Variants in LRRC37A2 observed in about 807,000 individuals in gnomAD.
The protein encoded by LRRC37A2 is leucine-rich repeat-containing protein 37A2.
Under a neutral mutation model 68.8 loss-of-function variants are expected in LRRC37A2, and 9 were observed. That is an observed-to-expected ratio of 0.13 (90% CI 0.08 to 0.23). The LOEUF is 0.23. Among genes scored for constraint, LRRC37A2 ranks in the 10% least tolerant of loss-of-function variants. The pLI is 1.00. For synonymous variants in LRRC37A2, 63 were observed against 367.6 expected (o/e 0.17, Z 9.48); for missense variants, 168 against 950.4 (o/e 0.18, Z 10.82).
At chr17:46,840,215 T>A in the LRRC37A2 span, among the ~76,000 whole-genome samples, 10 of 151,920 alleles carry the variant, frequency 6.6e-5, no homozygotes, top group South Asian at 2.1e-4. Flanking sequence ...GCCTCCCGAG[T>A]AGCTGGTACT....
the LRRC37A2 span, among the ~76,000 whole-genome samples, chr17:46,889,037 T>C: frequency 6.6e-6 from 1 of 152,218 alleles, no homozygotes; most frequent in South Asian, 2.1e-4. Flanking sequence ...GTCTAAAATT[T>C]CCTCTGCTTG....
At chr17:46,957,858 G>A in the LRRC37A2 span, among the ~76,000 whole-genome samples, 1 of 152,178 alleles carries the variant, frequency 6.6e-6, no homozygotes, top group Non-Finnish European at 1.5e-5. Flanking sequence ...CATGGAGGAG[G>A]ATGAGCACTC....
At chr17:46,911,785 G>A in the LRRC37A2 span, among the ~76,000 whole-genome samples, 1 of 152,334 alleles carries the variant, frequency 6.6e-6, no homozygotes, top group East Asian at 1.9e-4. Context: ...TCAGGAGGCT[G>A]AGGCAGGAGA....
the LRRC37A2 span, chr17:46,769,735 A>C: frequency 6.2e-7 from 1 of 1,600,510 alleles, no homozygotes; most frequent in Admixed American, 1.7e-5. Context: ...CCGGAGGGGA[A>C]GCGGGGGGCT....
At chr17:46,516,196 G>A (rs1225367210) in intron 2 of LRRC37A2, among the ~76,000 whole-genome samples, 1 of 148,290 alleles carries the variant, frequency 6.7e-6, no homozygotes, top group Admixed American at 6.9e-5. Flanking sequence ...CCAGCTACTC[G>A]GGAGGCTGAG....
chr17:46,804,285 A>G, the LRRC37A2 span, among the ~76,000 whole-genome samples: 1 of 151,970 alleles, frequency 6.6e-6, no homozygotes, highest in Non-Finnish European at 1.5e-5. Context: ...ACGGGGTTTC[A>G]GCATGTTGGC....
At chr17:46,558,071 T>TC (rs2057380086), downstream of LRRC37A2, among the ~76,000 whole-genome samples, 1 of 138,170 alleles carries the variant, frequency 7.2e-6, no homozygotes, top group African/African-American at 2.8e-5. Context: ...TGTTTTTTTT[T>TC]CTTTTAAGGT....
At chr17:46,457,856 C>T in the LRRC37A2 span, among the ~76,000 whole-genome samples, 2 of 63,500 alleles carry the variant, frequency 3.1e-5, no homozygotes, top group Non-Finnish European at 8.9e-5. Flanking sequence ...TTGGCTAAAA[C>T]GATTATGGAG....
At chr17:46,713,691 T>C in the LRRC37A2 span, among the ~76,000 whole-genome samples, 1 of 152,246 alleles carries the variant, frequency 6.6e-6, no homozygotes, top group African/African-American at 2.4e-5. Context: ...GTTTAGTTGC[T>C]AATAAATAAG....
the LRRC37A2 span, among the ~76,000 whole-genome samples, chr17:46,890,276 A>G: frequency 7.2e-5 from 11 of 152,184 alleles, no homozygotes; most frequent in African/African-American, 2.7e-4. Flanking sequence ...CTCTGCCTAA[A>G]GTGCTCCACG....
At chr17:46,989,402 C>T in the LRRC37A2 span, among the ~76,000 whole-genome samples, 106,447 of 152,086 alleles carry the variant, frequency 0.7, 37,874 homozygotes, top group Middle Eastern at 0.78. Context: ...ACATCATCTG[C>T]TTTCTTTTGA....
the LRRC37A2 span, among the ~76,000 whole-genome samples, chr17:46,859,176 A>G: frequency 6.6e-6 from 1 of 152,024 alleles, no homozygotes; most frequent in East Asian, 1.9e-4. Context: ...GGGTTTCACC[A>G]TGTTGGGCAG....
chr17:46,725,487 A>G, the LRRC37A2 span, among the ~76,000 whole-genome samples: 2 of 152,206 alleles, frequency 1.3e-5, no homozygotes, highest in Non-Finnish European at 2.9e-5. Context: ...GTAAGGAAGG[A>G]ACTGAATCAA....
chr17:46,975,117 T>C, the LRRC37A2 span: 9 of 151,982 alleles, frequency 5.9e-5, no homozygotes, highest in African/African-American at 2.2e-4. Flanking sequence ...TGAGCGTCTA[T>C]TAAATGCCAG....
At chr17:46,999,916 T>C in the LRRC37A2 span, among the ~76,000 whole-genome samples, 28 of 149,820 alleles carry the variant, frequency 1.9e-4, no homozygotes, top group African/African-American at 6.9e-4. Flanking sequence ...GGAGAATCGC[T>C]TGAACCTGGG....
chr17:46,703,680 C>CA, the LRRC37A2 span, among the ~76,000 whole-genome samples: 3,080 of 37,140 alleles, frequency 0.083, 280 homozygotes, highest in African/African-American at 0.16. Flanking sequence ...GACTCCGTCT[C>CA]AAAAAAAAAA....
At chr17:46,999,998 CA>C in the LRRC37A2 span, among the ~76,000 whole-genome samples, 10 of 48,352 alleles carry the variant, frequency 2.1e-4, no homozygotes, top group African/African-American at 6.7e-4. Flanking sequence ...GACTCCATCT[CA>C]AAATAAAATA....
At chr17:46,922,943 G>A in the LRRC37A2 span, 8 of 579,248 alleles carry the variant, frequency 1.4e-5, no homozygotes, top group Admixed American at 3.0e-5. Flanking sequence ...AGCCTTCAGC[G>A]AACATGTACA....
the LRRC37A2 span, among the ~76,000 whole-genome samples, chr17:46,775,189 A>G: frequency 1.3e-5 from 2 of 152,148 alleles, no homozygotes; most frequent in African/African-American, 2.4e-5. Flanking sequence ...TATATACAAC[A>G]TTTCTGATCA....
Sources: allele counts gnomAD v4.1 joint callset (sites outside exome capture counted in the v4.1 genomes callset), GRCh38; gene constraint gnomAD v4.1.1; transcripts MANE v1.5; gene names NCBI Gene and HGNC (gene_info 2026-07-23, HGNC 2026-07-21).